Variants in PRLR observed in about 807,000 individuals in gnomAD.
PRLR encodes prolactin receptor, also known as hPRL receptor.
PRLR carries 13 observed loss-of-function variants against 40.2 expected under a neutral mutation model. The ratio of observed to expected loss-of-function variants is 0.32; its 90% CI spans 0.21 to 0.51. The LOEUF (loss-of-function observed/expected upper bound fraction) is 0.51, where lower values mean the gene tolerates loss of function less well. Ranked by LOEUF, PRLR falls within the 20% of genes least tolerant of loss-of-function variation. The pLI, the probability that PRLR is intolerant of heterozygous loss-of-function variation, is 0.97. For missense variants in PRLR, 656 were observed against 747.3 expected, an observed-to-expected ratio of 0.88 and a Z score of 1.42; for synonymous variants, 269 against 278.7, an observed-to-expected ratio of 0.97 and a Z score of 0.35.
At chr5:35,133,806 TCA>T (rs1422408057) in intron 1 of PRLR, among the ~76,000 whole-genome samples, 1 of 152,190 alleles carries the variant, frequency 6.6e-6, no homozygotes, top group Non-Finnish European at 1.5e-5. Flanking sequence ...CAAAAAAATG[TCA>T]CAGTCTCATT....
intron 1 of PRLR, among the ~76,000 whole-genome samples, chr5:35,228,550 C>A (rs1394730679): frequency 6.6e-6 from 1 of 152,232 alleles, no homozygotes; most frequent in Non-Finnish European, 1.5e-5. Flanking sequence ...TCCCTGCCAT[C>A]CAGCTAGGTG....
chr5:35,129,803 G>C (rs1043021501), intron 1 of PRLR, among the ~76,000 whole-genome samples: 2 of 151,976 alleles, frequency 1.3e-5, no homozygotes, highest in African/African-American at 4.8e-5. Flanking sequence ...AAGCAGTAGG[G>C]TGGGAGTGGG....
At chr5:35,068,127 C>T (rs11954174) in intron 9 of PRLR, 89 bp downstream of exon 9, 1 of 1,248,950 alleles carries the variant, frequency 8.0e-7, no homozygotes, top group Non-Finnish European at 1.2e-6. Flanking sequence ...AACTACCAGG[C>T]TGAACTGACG....
At chr5:35,189,634 A>G (rs1775546231) in intron 1 of PRLR, among the ~76,000 whole-genome samples, 1 of 151,928 alleles carries the variant, frequency 6.6e-6, no homozygotes, top group Admixed American at 6.6e-5. Context: ...TTCTAACACT[A>G]TCAACAGATG....
intron 2 of PRLR, among the ~76,000 whole-genome samples, chr5:35,090,789 C>CTTTTTTTTTTTT (rs1202540235): frequency 9.5e-6 from 1 of 105,070 alleles, no homozygotes; most frequent in African/African-American, 3.3e-5. Flanking sequence ...CATCAATTAG[C>CTTTTTTTTTTTT]TCTTTTTTTT....
intron 5 of PRLR, among the ~76,000 whole-genome samples, chr5:35,076,536 G>A (rs1015774308): frequency 1.3e-4 from 20 of 152,106 alleles, no homozygotes; most frequent in Non-Finnish European, 1.3e-4. Flanking sequence ...CAAGATATAC[G>A]GGACTATGTG....
At chr5:35,192,196 A>G (rs905036945) in intron 1 of PRLR, among the ~76,000 whole-genome samples, 2 of 152,194 alleles carry the variant, frequency 1.3e-5, no homozygotes, top group African/African-American at 4.8e-5. Flanking sequence ...TTGGTGCTCA[A>G]TTCCAATGTT....
At chr5:35,126,464 A>AATCATTC (rs1429478942) in intron 1 of PRLR, among the ~76,000 whole-genome samples, 1 of 152,200 alleles carries the variant, frequency 6.6e-6, no homozygotes, top group Non-Finnish European at 1.5e-5. Context: ...CAATTGCATC[A>AATCATTC]ATCATTCATT....
At chr5:35,178,661 G>A (rs1047958562) in intron 1 of PRLR, among the ~76,000 whole-genome samples, 2 of 152,142 alleles carry the variant, frequency 1.3e-5, no homozygotes, top group African/African-American at 4.8e-5. Context: ...TGGAAGTATA[G>A]TCTGTTAGAG....
chr5:35,221,607 C>T (rs776503235), intron 1 of PRLR, among the ~76,000 whole-genome samples: 70 of 152,140 alleles, frequency 4.6e-4, no homozygotes, highest in Non-Finnish European at 7.5e-4. Context: ...TAGCTCTTAG[C>T]CCTGGATGCA....
downstream of PRLR, among the ~76,000 whole-genome samples, chr5:35,051,625 A>G (rs527734041): frequency 1.6e-4 from 25 of 152,294 alleles, no homozygotes; most frequent in African/African-American, 6.0e-4. Flanking sequence ...AATTACAAGG[A>G]CCTTTAATTA....
chr5:35,226,605 T>C (rs1327436055), intron 1 of PRLR, among the ~76,000 whole-genome samples: 1 of 152,212 alleles, frequency 6.6e-6, no homozygotes, highest in African/African-American at 2.4e-5. Context: ...TCTGCTAAGG[T>C]AGCCCTTTCC....
chr5:35,113,894 T>C (rs1214999869), intron 2 of PRLR, among the ~76,000 whole-genome samples: 1 of 152,214 alleles, frequency 6.6e-6, no homozygotes, highest in Non-Finnish European at 1.5e-5. Context: ...CAGACACTGC[T>C]GGTTGCTTCT....
At chr5:35,082,841 T>C (rs549631387) in intron 5 of PRLR, among the ~76,000 whole-genome samples, 25 of 152,270 alleles carry the variant, frequency 1.6e-4, no homozygotes, top group Admixed American at 1.0e-3. Flanking sequence ...CTTCTTTTAT[T>C]ATTTTGAAAA....
rs1768707829 is a variant in PRLR at position 35,056,226 on chromosome 5, A to C, written c.*8863T>G. On this transcript the variant is annotated 3_prime_UTR_variant, in exon 10 of 10. Transcript: ENST00000618457. ...GTGTGGGGGACAGTGGAGGAGATGT[A>C]AATACAAGAATTCCAGTTTAGGTGT... 6.6e-6 allele frequency: 1 copy of C among 152,156 alleles called. No individual in the cohort carries two copies. The highest frequency in any genetic ancestry group is 1.5e-5 in the Non-Finnish European group (1 of 68,024). 9.4% of individuals were successfully genotyped at this position (152,156 alleles called of 1,614,324 possible).
intron 2 of PRLR, among the ~76,000 whole-genome samples, chr5:35,096,915 C>T (rs905751656): frequency 2.6e-5 from 4 of 152,102 alleles, no homozygotes; most frequent in Non-Finnish European, 4.4e-5. Context: ...CCACTGTGCC[C>T]GGCCTTAAAA....
chr5:35,160,425 C>T (rs1431786902), intron 1 of PRLR, among the ~76,000 whole-genome samples: 2 of 152,136 alleles, frequency 1.3e-5, no homozygotes, highest in South Asian at 4.1e-4. Flanking sequence ...CTTTAGTGGT[C>T]AAGCTGCCTT....
At chr5:35,073,563 A>G (rs991824682) in intron 5 of PRLR, among the ~76,000 whole-genome samples, 1 of 152,234 alleles carries the variant, frequency 6.6e-6, no homozygotes, top group African/African-American at 2.4e-5. Context: ...CAGGCTTAGA[A>G]GAGGGAAATT....
chr5:35,128,354 C>T (rs917867071), intron 1 of PRLR, among the ~76,000 whole-genome samples: 1 of 150,462 alleles, frequency 6.6e-6, no homozygotes, highest in East Asian at 2.1e-4. Context: ...TGATACAAGA[C>T]GTTGTAGTAT....
Sources: gnomAD v4.1 joint callset for allele counts (sites outside exome capture counted in the v4.1 genomes callset) on GRCh38, gnomAD v4.1.1 for gene constraint, MANE v1.5 for transcripts, NCBI Gene and HGNC (gene_info 2026-07-23, HGNC 2026-07-21) for gene names.